The following MSRA variants were observed in gnomAD, a reference collection of about 807,000 sequenced individuals.
The protein encoded by MSRA is mitochondrial peptide methionine sulfoxide reductase.
Under a neutral mutation model 31.3 loss-of-function variants are expected in MSRA, and 54 were observed. The ratio of observed to expected loss-of-function variants is 1.73; its 90% CI spans 1.39 to 2.17. The LOEUF is 2.17. Ranked by LOEUF, MSRA falls within the 30% of genes most tolerant of loss-of-function variation. The pLI, the probability that MSRA is intolerant of heterozygous loss-of-function variation, is 0.00. For synonymous variants in MSRA, 169 were observed against 116.5 expected (o/e 1.45, Z -2.90); for missense variants, 507 against 300.9 (o/e 1.69, Z -5.07).
intron 1 of MSRA, among the ~76,000 whole-genome samples, chr8:10,141,026 A>G (rs1208568840): frequency 6.6e-6 from 1 of 152,188 alleles, no homozygotes; most frequent in Admixed American, 6.5e-5. Flanking sequence ...ATACTGGTGT[A>G]ACATAAGAAA....
intron 1 of MSRA, among the ~76,000 whole-genome samples, chr8:10,100,695 C>G (rs887432971): frequency 6.6e-6 from 1 of 152,108 alleles, no homozygotes; most frequent in African/African-American, 2.4e-5. Context: ...CTGCAAAGCT[C>G]GACTTAAAAG....
intron 1 of MSRA, among the ~76,000 whole-genome samples, chr8:10,119,022 C>A (rs899741315): frequency 6.6e-6 from 1 of 152,098 alleles, no homozygotes; most frequent in Admixed American, 6.5e-5. Flanking sequence ...GGAGGAGGGA[C>A]CCCTCCCCGC....
intron 1 of MSRA, among the ~76,000 whole-genome samples, chr8:10,114,446 G>T (rs1157531771): frequency 6.6e-6 from 1 of 152,086 alleles, no homozygotes; most frequent in Admixed American, 6.5e-5. Context: ...ATTTTACTTT[G>T]CTACCAATAA....
intron 1 of MSRA, among the ~76,000 whole-genome samples, chr8:10,090,039 A>AG (rs1464419104): frequency 3.3e-5 from 5 of 152,200 alleles, no homozygotes; most frequent in Admixed American, 6.5e-5. Flanking sequence ...GCAGCATGAA[A>AG]GGGGATGAGT....
chr8:10,399,502 C>G (rs1394477005), intron 5 of MSRA, among the ~76,000 whole-genome samples: 1 of 152,178 alleles, frequency 6.6e-6, no homozygotes, highest in Non-Finnish European at 1.5e-5. Context: ...TGTTCCTGCT[C>G]TGGCCGTGCA....
intron 1 of MSRA, among the ~76,000 whole-genome samples, chr8:10,157,622 A>G (rs1164111276): frequency 1.3e-5 from 2 of 151,988 alleles, no homozygotes; most frequent in East Asian, 1.9e-4. Context: ...TAGGTTTTTT[A>G]CACTCTAAAA....
At chr8:10,346,668 G>A (rs1803795961) in intron 5 of MSRA, among the ~76,000 whole-genome samples, 1 of 152,218 alleles carries the variant, frequency 6.6e-6, no homozygotes, top group East Asian at 1.9e-4. Flanking sequence ...TGGGGAAGTT[G>A]CAGACAGGCT....
chr8:10,290,293 A>G (rs1467904088), intron 3 of MSRA, among the ~76,000 whole-genome samples: 1 of 152,202 alleles, frequency 6.6e-6, no homozygotes, highest in Non-Finnish European at 1.5e-5. Flanking sequence ...AGCAATTAGG[A>G]CATCCCAATA....
At chr8:10,287,717 C>G (rs116561372) in intron 3 of MSRA, among the ~76,000 whole-genome samples, 3,196 of 152,274 alleles carry the variant, frequency 0.021, 74 homozygotes, top group African/African-American at 0.057. Context: ...GCTGAATGCT[C>G]TCCATTTTTG....
chr8:10,257,563 C>T (rs533060537), intron 3 of MSRA, among the ~76,000 whole-genome samples: 1 of 152,204 alleles, frequency 6.6e-6, no homozygotes, highest in East Asian at 1.9e-4. Flanking sequence ...CGCACCACCG[C>T]GCCCAAGTAG....
chr8:10,376,289 C>T (rs950792176), intron 5 of MSRA, among the ~76,000 whole-genome samples: 1 of 152,216 alleles, frequency 6.6e-6, no homozygotes, highest in Non-Finnish European at 1.5e-5. Flanking sequence ...TCCCTGGCTT[C>T]TACAATGCAG....
intron 1 of MSRA, among the ~76,000 whole-genome samples, chr8:10,134,160 G>T (rs946622139): frequency 1.1e-4 from 17 of 152,126 alleles, no homozygotes; most frequent in African/African-American, 4.1e-4. Context: ...AATTTCTGTG[G>T]TGATAAATTA....
intron 1 of MSRA, among the ~76,000 whole-genome samples, chr8:10,137,062 C>G (rs774055718): frequency 2.3e-4 from 35 of 152,280 alleles, no homozygotes; most frequent in Middle Eastern, 3.4e-3. Context: ...TGGCCTGAGA[C>G]AAAAATTCGC....
intron 1 of MSRA, among the ~76,000 whole-genome samples, chr8:10,151,725 G>A (rs912676582): frequency 1.3e-5 from 2 of 152,206 alleles, no homozygotes; most frequent in Non-Finnish European, 2.9e-5. Context: ...CAAGGCACAA[G>A]TCTGGCTGAA....
chr8:10,212,103 C>T (rs777074956), intron 2 of MSRA, among the ~76,000 whole-genome samples: 1 of 151,894 alleles, frequency 6.6e-6, no homozygotes, highest in Non-Finnish European at 1.5e-5. Context: ...AGGAGAATTA[C>T]TTGAACCCAG....
At chr8:10,083,063 C>T (rs977206402) in intron 1 of MSRA, among the ~76,000 whole-genome samples, 1 of 152,082 alleles carries the variant, frequency 6.6e-6, no homozygotes, top group African/African-American at 2.4e-5. Context: ...TTTGGAAGCA[C>T]GTAACCATAC....
At chr8:10,116,405 A>C (rs1273418157) in intron 1 of MSRA, among the ~76,000 whole-genome samples, 3 of 152,244 alleles carry the variant, frequency 2.0e-5, no homozygotes, top group Non-Finnish European at 4.4e-5. Flanking sequence ...CATTCTTTTC[A>C]CATAGTGAGT....
intron 5 of MSRA, among the ~76,000 whole-genome samples, chr8:10,351,245 C>A (rs1054366202): frequency 5.3e-5 from 3 of 56,806 alleles, no homozygotes; most frequent in Non-Finnish European, 6.3e-5. Flanking sequence ...CTGAAGGAGA[C>A]TTTTTTTTTT....
intron 5 of MSRA, among the ~76,000 whole-genome samples, chr8:10,412,382 G>A (rs1377510468): frequency 6.6e-6 from 1 of 152,210 alleles, no homozygotes; most frequent in Admixed American, 6.5e-5. Context: ...CACAGTAAAT[G>A]TGTGCTGAAC....
Sources: allele counts gnomAD v4.1 joint callset (sites outside exome capture counted in the v4.1 genomes callset), GRCh38; gene constraint gnomAD v4.1.1; transcripts MANE v1.5; gene names NCBI Gene and HGNC (gene_info 2026-07-23, HGNC 2026-07-21).